The following SDK1 variants were observed in gnomAD, a reference collection of about 807,000 sequenced individuals.
The protein encoded by SDK1 is protein sidekick-1.
In SDK1, 157 loss-of-function variants were observed where a neutral mutation model predicts 245.5. The observed-to-expected ratio is 0.64, with a 90% CI of 0.56 to 0.73. SDK1 has a LOEUF of 0.73. Among genes scored for constraint, SDK1 ranks in the 30% least tolerant of loss-of-function variants. The pLI is 0.00. For synonymous variants in SDK1, 1,647 were observed against 1,278.5 expected (o/e 1.29, Z -6.15); for missense variants, 3,583 against 3,002.3 (o/e 1.19, Z -4.52).
chr7:4,147,578 A>G (rs960363345), intron 29 of SDK1, among the ~76,000 whole-genome samples: 2 of 152,142 alleles, frequency 1.3e-5, no homozygotes, highest in African/African-American at 4.8e-5. Context: ...CTCCCATAGC[A>G]TTCAGTGAAA....
At chr7:3,875,146 T>C (rs1781045001) in intron 5 of SDK1, among the ~76,000 whole-genome samples, 1 of 152,212 alleles carries the variant, frequency 6.6e-6, no homozygotes, top group Non-Finnish European at 1.5e-5. Context: ...GATAAGCAAA[T>C]GGTTGGGTCT....
chr7:3,337,572 AGGAATCTGT>A (rs916558394), intron 1 of SDK1, among the ~76,000 whole-genome samples: 2 of 152,230 alleles, frequency 1.3e-5, no homozygotes, highest in Non-Finnish European at 2.9e-5. Context: ...ATCAACCCAA[AGGAATCTGT>A]GCCAAGACAC....
At chr7:3,709,368 G>C (rs1784973206) in intron 4 of SDK1, among the ~76,000 whole-genome samples, 1 of 152,154 alleles carries the variant, frequency 6.6e-6, no homozygotes, top group Non-Finnish European at 1.5e-5. Flanking sequence ...ATGCATGCAA[G>C]GCCCTTCCTT....
chr7:3,987,591 C>T (rs1354653695), intron 14 of SDK1, among the ~76,000 whole-genome samples: 3 of 152,076 alleles, frequency 2.0e-5, no homozygotes, highest in African/African-American at 7.2e-5. Context: ...ACAGGGCTGC[C>T]CCGCACAGTG....
At chr7:3,539,731 G>A (rs538049175) in intron 1 of SDK1, among the ~76,000 whole-genome samples, 3 of 152,250 alleles carry the variant, frequency 2.0e-5, no homozygotes, top group African/African-American at 4.8e-5. Flanking sequence ...AGGGTGAGTA[G>A]TGGAAATGAA....
chr7:4,107,487 C>CT (rs111820146), intron 22 of SDK1, among the ~76,000 whole-genome samples: 73,783 of 148,436 alleles, frequency 0.5, 19,363 homozygotes, highest in African/African-American at 0.68. Context: ...TTCCTTTCTT[C>CT]TTCTTTTTTT....
chr7:3,744,424 G>A (rs1439908068), intron 4 of SDK1, among the ~76,000 whole-genome samples: 1 of 151,892 alleles, frequency 6.6e-6, no homozygotes, highest in Non-Finnish European at 1.5e-5. Flanking sequence ...CATATACTAG[G>A]TATCCAGTAA....
intron 1 of SDK1, among the ~76,000 whole-genome samples, chr7:3,339,375 C>G (rs1780285808): frequency 6.6e-6 from 1 of 152,114 alleles, no homozygotes. Flanking sequence ...ACACCATATT[C>G]TTAGCAATTA....
chr7:3,866,537 G>A (rs1780825166), intron 5 of SDK1, among the ~76,000 whole-genome samples: 1 of 152,058 alleles, frequency 6.6e-6, no homozygotes, highest in Non-Finnish European at 1.5e-5. Context: ...CAGCTCCCAA[G>A]GGGAGGGCAG....
intron 1 of SDK1, among the ~76,000 whole-genome samples, chr7:3,492,307 A>G (rs1361206449): frequency 6.6e-6 from 1 of 152,206 alleles, no homozygotes; most frequent in Non-Finnish European, 1.5e-5. Flanking sequence ...ATCCTGGCTA[A>G]CACGGTGAAA....
intron 1 of SDK1, among the ~76,000 whole-genome samples, chr7:3,612,843 A>T (rs998038549): frequency 1.3e-5 from 2 of 152,132 alleles, no homozygotes; most frequent in Admixed American, 6.5e-5. Flanking sequence ...GCTGATTATG[A>T]TGGCTTAATA....
In SDK1 at chr7:3,967,329, G is replaced by T; in HGVS notation, c.1441G>T (p.Val481Leu). ...ACTCCTCTTCTCAGATATCGCTCCA[G>T]TGTTCACCCAGCGGCCAGTGGACAC... Reference protein sequence around the residue: ...TYLDVTNIAPVFTQRPVDTTV... With the variant: ...TYLDVTNIAPLFTQRPVDTTV... Residue 481 changes from valine (V) to leucine (L), a missense_variant, in exon 10 of 45, where the codon GTG becomes TTG. Coordinates refer to ENST00000404826, the MANE Select transcript of SDK1 (RefSeq NM_152744.4). 4.3e-6 allele frequency: 7 copies of T among 1,613,682 alleles called. No individual in the cohort carries two copies. Among genetic ancestry groups the T allele is most frequent in the South Asian group, 3.3e-5 (3 of 91,070 alleles).
chr7:3,521,481 C>T (rs1782938266), intron 1 of SDK1, among the ~76,000 whole-genome samples: 1 of 152,180 alleles, frequency 6.6e-6, no homozygotes, highest in Non-Finnish European at 1.5e-5. Flanking sequence ...ATACCCAGAC[C>T]ATAAGCGTCA....
At chr7:3,991,381 C>G (rs995625132) in intron 14 of SDK1, among the ~76,000 whole-genome samples, 8 of 152,156 alleles carry the variant, frequency 5.3e-5, no homozygotes, top group Non-Finnish European at 1.2e-4. Context: ...GCAGAAATGG[C>G]TTTTCCCTCC....
At chr7:3,389,754 T>TAAAAC (rs61312272) in intron 1 of SDK1, among the ~76,000 whole-genome samples, 113,068 of 151,428 alleles carry the variant, frequency 0.75, 42,401 homozygotes, top group South Asian at 0.84. Flanking sequence ...GCAACAGAAA[T>TAAAAC]AAACAAAAAC....
chr7:3,857,158 C>T (rs1447679547), intron 5 of SDK1, among the ~76,000 whole-genome samples: 3 of 152,048 alleles, frequency 2.0e-5, no homozygotes, highest in African/African-American at 7.2e-5. Flanking sequence ...TAACAAAAAT[C>T]TACTGGAAAC....
At chr7:4,009,129 A>T (rs1785734858) in intron 14 of SDK1, among the ~76,000 whole-genome samples, 2 of 152,228 alleles carry the variant, frequency 1.3e-5, no homozygotes, top group Non-Finnish European at 1.5e-5. Flanking sequence ...ATGCAATATC[A>T]TTGTGGTTCT....
At chr7:3,835,119 A>G (rs552045046) in intron 5 of SDK1, among the ~76,000 whole-genome samples, 2 of 152,290 alleles carry the variant, frequency 1.3e-5, no homozygotes, top group East Asian at 1.9e-4. Flanking sequence ...CTAGGCCTGA[A>G]TAGCAGCCTG....
rs73298347 is a variant in SDK1, at chr7:3,402,941, G to C, written c.298+101057G>C. The stretch of plus-strand genomic sequence containing the variant: ...TTAGATGAAACATTTCTATTCCTCT[G>C]TTTCTTTCTTTCTTTCTTTTTTTGA... On this transcript the variant is annotated intron_variant, in intron 1 of 44. Coordinates refer to ENST00000404826, the MANE Select transcript of SDK1 (RefSeq NM_152744.4). Among the ~76,000 whole-genome samples the C allele has an allele frequency of 9.2e-3, 1,404 of 151,912 alleles. 28 individuals are homozygous for C. The highest frequency in any genetic ancestry group is 0.032 in the African/African-American group (1,322 of 41,412).
Sources: allele counts gnomAD v4.1 joint callset (sites outside exome capture counted in the v4.1 genomes callset), GRCh38; gene constraint gnomAD v4.1.1; transcripts MANE v1.5; gene names NCBI Gene and HGNC (gene_info 2026-07-23, HGNC 2026-07-21).